The following DYRK1A variants were observed in gnomAD, a reference collection of about 807,000 sequenced individuals.
DYRK1A encodes dual specificity tyrosine-phosphorylation-regulated kinase 1A.
In DYRK1A, 9 loss-of-function variants were observed where a neutral mutation model predicts 79.7. The ratio of observed to expected loss-of-function variants is 0.11; its 90% CI spans 0.07 to 0.20. The LOEUF (loss-of-function observed/expected upper bound fraction) is 0.20. DYRK1A is among the 10% of genes least tolerant of loss of function. DYRK1A has a pLI of 1.00. For missense variants in DYRK1A, 622 were observed against 956.0 expected (o/e 0.65, Z 4.61); for synonymous variants, 349 against 329.7 (o/e 1.06, Z -0.63).
intron 6 of DYRK1A, chr21:37,487,411 T>C (rs2052910749): frequency 6.6e-6 from 1 of 152,208 alleles, no homozygotes; most frequent in East Asian, 1.9e-4. Context: ...TATCTTCTAG[T>C]ACACCTTCTT....
chr21:37,458,550 G>A (rs1485245176), intron 2 of DYRK1A, among the ~76,000 whole-genome samples: 1 of 152,036 alleles, frequency 6.6e-6, no homozygotes, highest in Non-Finnish European at 1.5e-5. Flanking sequence ...GGTTTACATG[G>A]TTGAGGGTGA....
At chr21:37,412,530 T>C (rs1249505732) in intron 1 of DYRK1A, among the ~76,000 whole-genome samples, 1 of 152,218 alleles carries the variant, frequency 6.6e-6, no homozygotes, top group Non-Finnish European at 1.5e-5. Flanking sequence ...TTAGGGAACC[T>C]GCCCTAGAGT....
rs1185804278 is a variant in DYRK1A at position 37,524,538 on chromosome 21, C to T, written c.*12007C>T. ...ATTACTGCAGCTGAAGAAACATGCTCAGAGAAAGTAAACTTGTTTATTGGC... is the reference window on the plus strand; with the variant it reads ...ATTACTGCAGCTGAAGAAACATGCTTAGAGAAAGTAAACTTGTTTATTGGC... On this transcript the variant is annotated 3_prime_UTR_variant, in exon 12 of 12. Transcript: ENST00000647188. The T allele has an allele frequency of 1.3e-5, 2 of 152,176 alleles. No homozygotes were observed. Among genetic ancestry groups the T allele is most frequent in the Non-Finnish European group, 2.9e-5 (2 of 68,028 alleles). The allele number at this position is 152,176 out of a possible 1,614,324, so 9.4% of individuals were successfully genotyped here.
chr21:37,387,196 AT>A lies in DYRK1A; in HGVS notation c.-77+19571del, dbSNP rs1294667236. On this transcript the variant is annotated intron_variant, in intron 1 of 11. Transcript: ENST00000647188. ...TCCCTATTTTTGTATTTGCCTTAAG[AT>A]TTAATACATTATTTGTTGATTTTAT... Among the ~76,000 whole-genome samples, 6 of 152,342 alleles carry A rather than the reference AT, an allele frequency of 3.9e-5. No homozygotes were observed. The South Asian group carries it at 1.0e-3, about 26-fold the overall frequency.
chr21:37,413,661 A>G (rs1421876877), intron 1 of DYRK1A, among the ~76,000 whole-genome samples: 1 of 152,188 alleles, frequency 6.6e-6, no homozygotes, highest in Non-Finnish European at 1.5e-5. Flanking sequence ...GAAACGTTAC[A>G]ATAGATAGCA....
rs1253115338 is a variant in DYRK1A at position 37,520,618 on chromosome 21, T to C, written c.*8087T>C. ...TTTGCATTACAATGGGCCGTGGATTTGGATGGATGATGAAGCTGAAACAAG... is the reference window on the plus strand; with the variant it reads ...TTTGCATTACAATGGGCCGTGGATTCGGATGGATGATGAAGCTGAAACAAG... On this transcript the variant is annotated 3_prime_UTR_variant, in exon 12 of 12. Coordinates refer to ENST00000647188, the MANE Select transcript of DYRK1A (RefSeq NM_001347721.2). 1.3e-5 allele frequency: 2 copies of C among 152,228 alleles called. No individual in the cohort carries two copies. The highest frequency in any genetic ancestry group is 4.8e-5 in the African/African-American group (2 of 41,454). 9.4% of individuals were successfully genotyped at this position (152,228 alleles called of 1,614,324 possible).
intron 10 of DYRK1A, 78 bp downstream of exon 10, chr21:37,505,667 G>T: frequency 6.9e-7 from 1 of 1,444,182 alleles, no homozygotes; most frequent in Non-Finnish European, 9.2e-7. Flanking sequence ...TTAAAGTGTT[G>T]ATTAAATTTG....
At chr21:37,487,127 C>T (rs927623037) in intron 6 of DYRK1A, 1 of 152,198 alleles carries the variant, frequency 6.6e-6, no homozygotes, top group Non-Finnish European at 1.5e-5. Flanking sequence ...TATTGAATTT[C>T]TACCACATTC....
intron 2 of DYRK1A, among the ~76,000 whole-genome samples, chr21:37,457,120 A>AGTGCAG (rs1301623438): frequency 1.3e-5 from 2 of 152,124 alleles, no homozygotes; most frequent in East Asian, 3.9e-4. Flanking sequence ...CTCAGGCTGG[A>AGTGCAG]GTGCAGTAGC....
chr21:37,392,384 T>C (rs2049886953), intron 1 of DYRK1A, among the ~76,000 whole-genome samples: 1 of 152,244 alleles, frequency 6.6e-6, no homozygotes, highest in Non-Finnish European at 1.5e-5. Context: ...TATATAGCAT[T>C]TATAAAATTA....
At chr21:37,466,591 T>G (rs1478015304) in intron 2 of DYRK1A, among the ~76,000 whole-genome samples, 1 of 152,028 alleles carries the variant, frequency 6.6e-6, no homozygotes, top group Non-Finnish European at 1.5e-5. Context: ...ATACAAAAAT[T>G]GATGCAGAGA....
In DYRK1A at chr21:37,520,920, C is replaced by G. The variant is rs1237295734; in HGVS notation, c.*8389C>G. On this transcript the variant is annotated 3_prime_UTR_variant, in exon 12 of 12. Transcript: ENST00000647188. ...CAATTGAGTGGTGGTTTGCTCTTCA[C>G]AGAGCGCTTACATGGGATTCTTACC... The G allele has an allele frequency of 1.3e-5, 2 of 152,298 alleles. No individual in the cohort carries two copies. The highest frequency in any genetic ancestry group is 2.9e-5 in the Non-Finnish European group (2 of 68,088). The allele number at this position is 152,298 out of a possible 1,614,324, so 9.4% of individuals were successfully genotyped here.
rs953760371 is a variant in DYRK1A at position 37,520,715 on chromosome 21, G to A, written c.*8184G>A. The A allele has an allele frequency of 1.3e-5, 2 of 152,246 alleles. No homozygotes were observed. The highest frequency in any genetic ancestry group is 4.8e-5 in the African/African-American group (2 of 41,458). 9.4% of individuals were successfully genotyped at this position (152,246 alleles called of 1,614,324 possible). A position where few individuals can be genotyped will look rare whatever the true frequency, so the allele number is the denominator to read the frequency against. ...TTTCTGGGAGAAGTAAATTGGATGA[G>A]CTTTTGTGCTTCCCAGCAGCTCCAG... On this transcript the variant is annotated 3_prime_UTR_variant, in exon 12 of 12. Coordinates refer to ENST00000647188, the MANE Select transcript of DYRK1A (RefSeq NM_001347721.2).
intron 1 of DYRK1A, among the ~76,000 whole-genome samples, chr21:37,409,392 C>A (rs1260565890): frequency 2.0e-5 from 3 of 152,126 alleles, no homozygotes; most frequent in African/African-American, 7.2e-5. Flanking sequence ...GCCTCAAATA[C>A]CAGATTCAGC....
intron 1 of DYRK1A, among the ~76,000 whole-genome samples, chr21:37,398,783 T>C (rs2050004244): frequency 6.6e-6 from 1 of 152,144 alleles, no homozygotes; most frequent in South Asian, 2.1e-4. Context: ...TTTCTTTTTA[T>C]GAATGAGCCC....
intron 2 of DYRK1A, among the ~76,000 whole-genome samples, chr21:37,462,153 C>T (rs2051860757): frequency 6.6e-6 from 1 of 152,092 alleles, no homozygotes; most frequent in Admixed American, 6.6e-5. Flanking sequence ...TCTGTCATTT[C>T]TGAGTCTTAA....
At chr21:37,402,528 G>T (rs912840977) in intron 1 of DYRK1A, among the ~76,000 whole-genome samples, 1 of 152,124 alleles carries the variant, frequency 6.6e-6, no homozygotes, top group African/African-American at 2.4e-5. Flanking sequence ...CTGCTTTCAA[G>T]ATTTTCTATT....
chr21:37,424,375 A>G (rs951962586), intron 2 of DYRK1A, among the ~76,000 whole-genome samples: 2 of 152,182 alleles, frequency 1.3e-5, no homozygotes, highest in Non-Finnish European at 2.9e-5. Flanking sequence ...TCTGAAATGT[A>G]TAAATATATA....
rs11910816 is a variant in DYRK1A at position 37,371,458 on chromosome 21, T to G, written c.-77+3830T>G. Among the ~76,000 whole-genome samples the G allele has an allele frequency of 2.8e-3, 432 of 152,342 alleles. 2 individuals carry two copies. Among genetic ancestry groups the G allele is most frequent in the African/African-American group, 9.4e-3 (392 of 41,570 alleles). On this transcript the variant is annotated intron_variant, in intron 1 of 11. Transcript: ENST00000647188. ...CCAGAGTACTAAAACGAGTGAGAATTGTTTATTGGTGATAATACCCTACGT... is the reference window on the plus strand; with the variant it reads ...CCAGAGTACTAAAACGAGTGAGAATGGTTTATTGGTGATAATACCCTACGT...
Sources: allele counts gnomAD v4.1 joint callset (sites outside exome capture counted in the v4.1 genomes callset), GRCh38; gene constraint gnomAD v4.1.1; transcripts MANE v1.5; gene names NCBI Gene and HGNC (gene_info 2026-07-23, HGNC 2026-07-21).